The following SYNDIG1 variants were observed in gnomAD, a reference collection of about 807,000 sequenced individuals.
SYNDIG1 encodes the protein synapse differentiation-inducing gene protein 1.
Under a neutral mutation model 19.4 loss-of-function variants are expected in SYNDIG1, and 9 were observed. The observed-to-expected ratio is 0.46, with a 90% CI of 0.28 to 0.81. The LOEUF is 0.81. Among genes scored for constraint, SYNDIG1 ranks in the 30% least tolerant of loss-of-function variants. The pLI, the probability that SYNDIG1 is intolerant of heterozygous loss-of-function variation, is 0.12. For missense variants in SYNDIG1, 311 were observed against 343.3 expected (o/e 0.91, Z 0.74); for synonymous variants, 141 against 145.9 (o/e 0.97, Z 0.24).
chr20:24,579,230 G>A (rs912891729), intron 2 of SYNDIG1, among the ~76,000 whole-genome samples: 9 of 152,172 alleles, frequency 5.9e-5, no homozygotes, highest in East Asian at 1.9e-4. Context: ...TGCTGTGGGC[G>A]GAGCCTTCAA....
intron 3 of SYNDIG1, among the ~76,000 whole-genome samples, chr20:24,607,970 C>T (rs537985837): frequency 1.3e-5 from 2 of 152,100 alleles, no homozygotes; most frequent in Non-Finnish European, 2.9e-5. Flanking sequence ...ACACTTTTCC[C>T]GGATGAGATC....
At chr20:24,569,794 A>G (rs1230290425) in intron 2 of SYNDIG1, among the ~76,000 whole-genome samples, 1 of 152,200 alleles carries the variant, frequency 6.6e-6, no homozygotes, top group Non-Finnish European at 1.5e-5. Context: ...ATGGATCAGA[A>G]AAGATAAGAT....
intron 3 of SYNDIG1, among the ~76,000 whole-genome samples, chr20:24,590,721 T>A (rs1024357304): frequency 6.6e-6 from 1 of 152,156 alleles, no homozygotes; most frequent in Admixed American, 6.5e-5. Context: ...CTCCAGGAGC[T>A]GTCGGCCTCT....
Position 24,594,588 on chromosome 20 carries a change from A to G in SYNDIG1, c.618+9595A>G, listed in dbSNP as rs151239491. 3.3e-5 allele frequency among the ~76,000 whole-genome samples: 5 copies of G among 152,296 alleles called. No individual in the cohort carries two copies. The East Asian group carries it at 7.7e-4, about 23-fold the overall frequency. On this transcript the variant is annotated intron_variant, in intron 3 of 3. Transcript: ENST00000376862. Reference sequence around the variant, plus strand: ...AAATGTCATTGGTAATTTGATAGGAATGGCACTAGATCTGTAAGTGCTTTA... The same window carrying G: ...AAATGTCATTGGTAATTTGATAGGAGTGGCACTAGATCTGTAAGTGCTTTA...
intron 1 of SYNDIG1, among the ~76,000 whole-genome samples, chr20:24,532,926 A>G (rs894099055): frequency 6.6e-6 from 1 of 152,186 alleles, no homozygotes; most frequent in African/African-American, 2.4e-5. Context: ...ACCAGGGCAC[A>G]TCCTGGAGGT....
chr20:24,616,770 C>A lies in SYNDIG1; in HGVS notation c.618+31777C>A, dbSNP rs182403765. The stretch of plus-strand genomic sequence containing the variant: ...TGGAGGAGAGAAAATCACCTGCTAG[C>A]TTCGCTGTTTGCTGCTGCTGTGATG... On this transcript the variant is annotated intron_variant, in intron 3 of 3. Transcript: ENST00000376862. 1.2e-3 allele frequency among the ~76,000 whole-genome samples: 182 copies of A among 152,366 alleles called. 1 individual carries two copies. The highest frequency in any genetic ancestry group is 3.4e-3 in the Middle Eastern group (1 of 294).
At chr20:24,631,815 T>C (rs921862084) in intron 3 of SYNDIG1, among the ~76,000 whole-genome samples, 4 of 152,236 alleles carry the variant, frequency 2.6e-5, no homozygotes, top group Non-Finnish European at 2.9e-5. Context: ...TGAAGCTAGC[T>C]TTATTTTCAA....
At chr20:24,520,669 C>T (rs1341588552) in intron 1 of SYNDIG1, among the ~76,000 whole-genome samples, 2 of 146,456 alleles carry the variant, frequency 1.4e-5, no homozygotes, top group Admixed American at 6.9e-5. Context: ...CTCCAGCCTG[C>T]GTAACAAGAG....
chr20:24,542,971 G>T, intron 1 of SYNDIG1, 49 bp from the exon 2 acceptor site: 1 of 1,426,056 alleles, frequency 7.0e-7, no homozygotes, highest in Non-Finnish European at 9.5e-7. Context: ...TGATTAGCTT[G>T]TTTTCAAGTG....
intron 3 of SYNDIG1, among the ~76,000 whole-genome samples, chr20:24,593,125 T>C (rs1436488961): frequency 6.6e-6 from 1 of 152,202 alleles, no homozygotes; most frequent in Non-Finnish European, 1.5e-5. Flanking sequence ...CAATTGCATG[T>C]CATGGGAGTT....
At chr20:24,548,359 T>C (rs1039497669) in intron 2 of SYNDIG1, among the ~76,000 whole-genome samples, 4 of 152,234 alleles carry the variant, frequency 2.6e-5, no homozygotes, top group African/African-American at 9.6e-5. Flanking sequence ...AGGACTTCAC[T>C]TCTGTGAACT....
At chr20:24,633,008 A>G (rs2147304950) in intron 3 of SYNDIG1, among the ~76,000 whole-genome samples, 1 of 151,354 alleles carries the variant, frequency 6.6e-6, no homozygotes, top group Non-Finnish European at 1.5e-5. Flanking sequence ...CATATCACAG[A>G]ATAACCTTTC....
intron 1 of SYNDIG1, among the ~76,000 whole-genome samples, chr20:24,482,284 A>G (rs1600391990): frequency 1.3e-5 from 2 of 152,044 alleles, no homozygotes; most frequent in African/African-American, 4.8e-5. Context: ...GCTCACTGCA[A>G]CCTCTGTCTC....
At chr20:24,560,063 CTT>C (rs60892856) in intron 2 of SYNDIG1, among the ~76,000 whole-genome samples, 1 of 43,048 alleles carries the variant, frequency 2.3e-5, no homozygotes, top group Non-Finnish European at 3.7e-5. Flanking sequence ...CTCTCCTCTC[CTT>C]TTTTTTTTTT....
At chr20:24,655,775 C>CAAAAAAAAAAA (rs11087474) in intron 3 of SYNDIG1, among the ~76,000 whole-genome samples, 1 of 132,558 alleles carries the variant, frequency 7.5e-6, no homozygotes. Flanking sequence ...GTATACTCAT[C>CAAAAAAAAAAA]AAAAAAAAAA....
chr20:24,501,978 G>C (rs1215842453), intron 1 of SYNDIG1, among the ~76,000 whole-genome samples: 1 of 152,256 alleles, frequency 6.6e-6, no homozygotes, highest in South Asian at 2.1e-4. Flanking sequence ...TAAGGGCCGA[G>C]AACGAATGGC....
Position 24,489,525 on chromosome 20 carries a change from G to A in SYNDIG1, c.-79+19772G>A, listed in dbSNP as rs543103485. On this transcript the variant is annotated intron_variant, in intron 1 of 3. Transcript: ENST00000376862. ...TAGACACAGATACATGCACACACAC[G>A]TACACATGCATGCACACACATGCTC... Among the ~76,000 whole-genome samples the A allele has an allele frequency of 5.9e-5, 8 of 136,572 alleles. No individual in the cohort carries two copies. In the South Asian group the frequency reaches 7.3e-4, roughly 12 times the overall value. The allele number at this position is 136,572 out of a possible 152,430, so 89.6% of individuals were successfully genotyped here.
At position 24,555,991 on chromosome 20, in the gene SYNDIG1, C is replaced by G. The variant is rs1352391808; in HGVS notation, c.480+12414C>G. On this transcript the variant is annotated intron_variant, in intron 2 of 3. Coordinates refer to ENST00000376862, the MANE Select transcript of SYNDIG1 (RefSeq NM_024893.3). ...TTGCTTTATGAATCTGGGTGCTCCTCTATTGGGTGCATATATATTTAGGAT... is the reference window on the plus strand; with the variant it reads ...TTGCTTTATGAATCTGGGTGCTCCTGTATTGGGTGCATATATATTTAGGAT... Among the ~76,000 whole-genome samples the G allele has an allele frequency of 1.1e-3, 168 of 152,158 alleles. 3 individuals carry two copies. The East Asian group carries it at 0.025, about 22-fold the overall frequency.
At chr20:24,558,400 CT>C (rs1447239326) in intron 2 of SYNDIG1, among the ~76,000 whole-genome samples, 52 of 152,244 alleles carry the variant, frequency 3.4e-4, no homozygotes, top group Admixed American at 3.0e-3. Flanking sequence ...TGTGATGTAT[CT>C]TTTCCTATCC....
Sources: gnomAD v4.1 joint callset for allele counts (sites outside exome capture counted in the v4.1 genomes callset) on GRCh38, gnomAD v4.1.1 for gene constraint, MANE v1.5 for transcripts, NCBI Gene and HGNC (gene_info 2026-07-23, HGNC 2026-07-21) for gene names.